GRM7: variants seen among roughly 807,000 people sequenced by gnomAD.
The protein encoded by GRM7 is glutamate metabotropic receptor 7, also known as metabotropic glutamate receptor 7.
In GRM7, 35 loss-of-function variants were observed where a neutral mutation model predicts 84.5. That is an observed-to-expected ratio of 0.41 (90% CI 0.32 to 0.55). The LOEUF (loss-of-function observed/expected upper bound fraction) is 0.55. GRM7 is among the 20% of genes least tolerant of loss of function. The probability of loss-of-function intolerance (pLI) is 0.19; values close to 1 mark genes in which losing one functional copy is unlikely to be tolerated. For missense variants in GRM7, 1,003 were observed against 1,194.6 expected, an observed-to-expected ratio of 0.84 and a Z score of 2.36; for synonymous variants, 487 against 455.1, an observed-to-expected ratio of 1.07 and a Z score of -0.89.
intron 2 of GRM7, among the ~76,000 whole-genome samples, chr3:7,186,098 C>G (rs1009575035): frequency 6.6e-6 from 1 of 152,208 alleles, no homozygotes; most frequent in Non-Finnish European, 1.5e-5. Flanking sequence ...CATCAGCAGA[C>G]AAAGCCTACT....
intron 3 of GRM7, among the ~76,000 whole-genome samples, chr3:7,303,148 G>A (rs887572202): frequency 7.2e-5 from 11 of 151,986 alleles, no homozygotes; most frequent in Admixed American, 2.6e-4. Context: ...CACCATGTTA[G>A]CCAGGATGGT....
At chr3:7,640,195 A>G (rs1559457029) in intron 8 of GRM7, among the ~76,000 whole-genome samples, 1 of 152,168 alleles carries the variant, frequency 6.6e-6, no homozygotes, top group Admixed American at 6.6e-5. Flanking sequence ...GCAAATGATC[A>G]ATTTCATTCT....
At chr3:7,385,812 G>T (rs1694765372) in intron 4 of GRM7, among the ~76,000 whole-genome samples, 1 of 152,180 alleles carries the variant, frequency 6.6e-6, no homozygotes, top group South Asian at 2.1e-4. Flanking sequence ...AATATTAACA[G>T]TAACCTAATA....
intron 1 of GRM7, among the ~76,000 whole-genome samples, chr3:6,998,119 CAAAAAA>C (rs3063449): frequency 0.02 from 372 of 18,442 alleles, 31 homozygotes; most frequent in Middle Eastern, 0.1. Flanking sequence ...ATCTCCATCT[CAAAAAA>C]AAAAAAAAAA....
chr3:6,898,402 CAAAAA>C (rs58548226), intron 1 of GRM7, among the ~76,000 whole-genome samples: 1 of 101,860 alleles, frequency 9.8e-6, no homozygotes, highest in Non-Finnish European at 2.2e-5. Flanking sequence ...GGCACAAAGA[CAAAAA>C]AAAAAAAAAA....
chr3:7,624,102 AT>A (rs1697493910), intron 8 of GRM7, among the ~76,000 whole-genome samples: 1 of 152,170 alleles, frequency 6.6e-6, no homozygotes, highest in African/African-American at 2.4e-5. Context: ...ACAGGAACTA[AT>A]TTCTATCTGA....
At chr3:7,527,704 T>A (rs1700861282) in intron 7 of GRM7, among the ~76,000 whole-genome samples, 1 of 152,002 alleles carries the variant, frequency 6.6e-6, no homozygotes, top group African/African-American at 2.4e-5. Context: ...AGTGTTCCTT[T>A]GATGCCTAGT....
At chr3:7,271,581 A>G (rs1051074991) in intron 2 of GRM7, among the ~76,000 whole-genome samples, 10 of 151,154 alleles carry the variant, frequency 6.6e-5, no homozygotes, top group East Asian at 1.9e-4. Context: ...AAAAAAAAAA[A>G]AAAAGAAATG....
chr3:7,274,860 A>G (rs1467137013), intron 2 of GRM7, among the ~76,000 whole-genome samples: 1 of 152,044 alleles, frequency 6.6e-6, no homozygotes, highest in Non-Finnish European at 1.5e-5. Flanking sequence ...CAATAATTAT[A>G]TATTGTTTCA....
At chr3:7,134,112 C>A (rs1304561965) in intron 1 of GRM7, among the ~76,000 whole-genome samples, 1 of 152,082 alleles carries the variant, frequency 6.6e-6, no homozygotes, top group Non-Finnish European at 1.5e-5. Context: ...GTGCAACTTT[C>A]ATTTTGTAGG....
chr3:7,673,821 C>A (rs996405079), intron 8 of GRM7, among the ~76,000 whole-genome samples: 1 of 152,136 alleles, frequency 6.6e-6, no homozygotes, highest in Non-Finnish European at 1.5e-5. Flanking sequence ...GTGTTTCTTG[C>A]AGAAGAAATC....
intron 7 of GRM7, among the ~76,000 whole-genome samples, chr3:7,483,598 A>C (rs577853559): frequency 6.6e-6 from 1 of 152,202 alleles, no homozygotes; most frequent in Non-Finnish European, 1.5e-5. Flanking sequence ...TTTTATTAAA[A>C]GGACAATAGA....
chr3:7,286,590 G>T (rs1699438727), intron 2 of GRM7, among the ~76,000 whole-genome samples: 1 of 152,092 alleles, frequency 6.6e-6, no homozygotes, highest in African/African-American at 2.4e-5. Context: ...TGAAAATAAT[G>T]TCTTATCCTC....
chr3:7,263,678 C>T (rs1306709191), intron 2 of GRM7, among the ~76,000 whole-genome samples: 1 of 152,150 alleles, frequency 6.6e-6, no homozygotes, highest in Non-Finnish European at 1.5e-5. Context: ...CTACTCAGAG[C>T]AGAGTTGGGT....
intron 7 of GRM7, among the ~76,000 whole-genome samples, chr3:7,572,821 C>CAAAAA (rs1437470999): frequency 4.8e-5 from 1 of 20,970 alleles, no homozygotes; most frequent in African/African-American, 1.9e-4. Context: ...GACTCTATCT[C>CAAAAA]AAATATATAT....
Position 7,486,421 on chromosome 3 carries a change from G to A in GRM7, c.1515+24699G>A, listed in dbSNP as rs1430149796. ...GAGGCTTGGTCTCCAATGTGGCAGT[G>A]TTGGGAGATGATACCATTGAGAGGC... On this transcript the variant is annotated intron_variant, in intron 7 of 9. Transcript: ENST00000357716. This position sits in a 1 kb window ranked among gnomAD's most constrained non-coding sequence, Gnocchi z 5.5. Among the ~76,000 whole-genome samples the A allele has an allele frequency of 2.6e-5, 4 of 152,150 alleles. No homozygotes were observed. The highest frequency in any genetic ancestry group is 7.2e-5 in the African/African-American group (3 of 41,442).
At chr3:7,561,283 C>G in intron 7 of GRM7, 2 of 225,382 alleles carry the variant, frequency 8.9e-6, no homozygotes, top group South Asian at 1.3e-4. Flanking sequence ...TAAGGACCAA[C>G]TGGGTCACAC....
At chr3:6,980,772 G>C (rs1300028784) in intron 1 of GRM7, among the ~76,000 whole-genome samples, 2 of 152,146 alleles carry the variant, frequency 1.3e-5, no homozygotes, top group East Asian at 3.8e-4. Context: ...GAGCTTCCCT[G>C]CTAGAGAAGG....
intron 5 of GRM7, among the ~76,000 whole-genome samples, chr3:7,451,524 T>G (rs1697767592): frequency 6.6e-6 from 1 of 152,096 alleles, no homozygotes; most frequent in Admixed American, 6.6e-5. Context: ...CACACCTATC[T>G]GGAAGAATAA....
Sources: allele counts gnomAD v4.1 joint callset (sites outside exome capture counted in the v4.1 genomes callset), GRCh38; gene constraint gnomAD v4.1.1; non-coding constraint Gnocchi (gnomAD v3.1); transcripts MANE v1.5; gene names NCBI Gene and HGNC (gene_info 2026-07-23, HGNC 2026-07-21).